The following ATP9A variants were observed in gnomAD, a reference collection of about 807,000 sequenced individuals.
ATP9A encodes the protein ATPase phospholipid transporting 9A, also known as probable phospholipid-transporting ATPase IIA.
In ATP9A, 52 loss-of-function variants were observed where a neutral mutation model predicts 144.1. The ratio of observed to expected loss-of-function variants is 0.36; its 90% CI spans 0.29 to 0.45. The LOEUF (loss-of-function observed/expected upper bound fraction) is 0.45, where lower values mean the gene tolerates loss of function less well. Among genes scored for constraint, ATP9A ranks in the 20% least tolerant of loss-of-function variants. ATP9A has a pLI of 1.00. For synonymous variants in ATP9A, 582 were observed against 557.4 expected, an observed-to-expected ratio of 1.04 and a Z score of -0.62; for missense variants, 947 against 1,392.7, an observed-to-expected ratio of 0.68 and a Z score of 5.09.
chr20:51,728,626 CA>C (rs3030165), intron 2 of ATP9A, among the ~76,000 whole-genome samples: 13 of 129,972 alleles, frequency 1.0e-4, no homozygotes, highest in African/African-American at 1.8e-4. Flanking sequence ...GACTCCATCT[CA>C]AAAAAAAAAA....
intron 9 of ATP9A, among the ~76,000 whole-genome samples, chr20:51,684,171 C>A (rs912939857): frequency 1.3e-5 from 2 of 152,030 alleles, no homozygotes; most frequent in African/African-American, 4.8e-5. Context: ...GGTGACAGAT[C>A]AAGACCCTGT....
At chr20:51,663,781 G>T (rs1167978153) in intron 13 of ATP9A, among the ~76,000 whole-genome samples, 1 of 139,542 alleles carries the variant, frequency 7.2e-6, no homozygotes, top group Non-Finnish European at 1.5e-5. Context: ...GAAACAGAGC[G>T]AGACTCCGTC....
chr20:51,694,679 T>A (rs2077563128), intron 6 of ATP9A, among the ~76,000 whole-genome samples: 1 of 152,144 alleles, frequency 6.6e-6, no homozygotes, highest in Admixed American at 6.5e-5. Context: ...GACTGATCGA[T>A]CCAGGCAAGC....
At position 51,627,618 on chromosome 20, in the gene ATP9A, C is replaced by T. The variant is rs1401049455; in HGVS notation, c.1827G>A (p.Glu609=). 9.9e-6 allele frequency: 16 copies of T among 1,614,156 alleles called. No homozygotes were observed. The highest frequency in any genetic ancestry group is 1.6e-4 in the Middle Eastern group (1 of 6,062). The part of the protein sequence containing the change: ...LVVAKKSLAE[E]QYQDFEARYV... ...AACTTACTTCAAAGTCCTGATACTG[C>T]TCCTCTGCAAGAGACTTCTTTGCCA... The change falls in exon 17 of 28, where the codon GAG becomes GAA. Residue 609 remains glutamate, a synonymous_variant. Transcript: ENST00000338821.
intron 12 of ATP9A, 117 bp downstream of exon 12, chr20:51,670,997 TA>T: frequency 8.8e-7 from 1 of 1,138,246 alleles, no homozygotes; most frequent in Non-Finnish European, 1.3e-6. Context: ...ATGAAGGGAA[TA>T]AAATAGCAGC....
intron 12 of ATP9A, 27 bp downstream of exon 12, chr20:51,671,088 C>T: frequency 6.2e-7 from 1 of 1,607,072 alleles, no homozygotes; most frequent in South Asian, 1.1e-5. Context: ...ACCAGGAATC[C>T]TGCGCAGGTC....
chr20:51,745,414 G>A (rs1042574307), intron 1 of ATP9A, among the ~76,000 whole-genome samples: 10 of 143,808 alleles, frequency 7.0e-5, no homozygotes, highest in Non-Finnish European at 1.4e-4. Flanking sequence ...CAGCCAGAGT[G>A]AGATTCTGTC....
At chr20:51,753,490 A>C (rs913522389) in intron 1 of ATP9A, among the ~76,000 whole-genome samples, 1 of 137,244 alleles carries the variant, frequency 7.3e-6, no homozygotes, top group South Asian at 2.4e-4. Context: ...ACAACAACAA[A>C]CCCACGTTCT....
chr20:51,659,766 T>C (rs1242270822), intron 13 of ATP9A, among the ~76,000 whole-genome samples: 6 of 152,178 alleles, frequency 3.9e-5, no homozygotes, highest in Non-Finnish European at 7.3e-5. Context: ...TTCACTTAAT[T>C]TTTTAATACT....
rs1383722734 is a variant in ATP9A at position 51,611,257 on chromosome 20, G to A, written c.2572-1092C>T. ...GCTTTCTCGGCACAGAGCTCAGAGC[G>A]CAGGTGATCCTGAGCGCCATGGCCA... On this transcript the variant is annotated intron_variant, in intron 23 of 27. Coordinates refer to ENST00000338821, the MANE Select transcript of ATP9A (RefSeq NM_006045.3). This position sits in a 1 kb window ranked among gnomAD's most constrained non-coding sequence, Gnocchi z 4.2. 6.6e-6 allele frequency among the ~76,000 whole-genome samples: 1 copy of A among 152,198 alleles called. No homozygotes were observed. The highest frequency in any genetic ancestry group is 1.5e-5 in the Non-Finnish European group (1 of 68,032).
At chr20:51,641,400 C>T (rs977578851) in intron 14 of ATP9A, among the ~76,000 whole-genome samples, 5 of 151,830 alleles carry the variant, frequency 3.3e-5, no homozygotes, top group Admixed American at 2.6e-4. Context: ...GCATGTGTGT[C>T]GTCTCAGTTA....
At chr20:51,675,309 T>C (rs1415451743) in intron 10 of ATP9A, among the ~76,000 whole-genome samples, 1 of 152,136 alleles carries the variant, frequency 6.6e-6, no homozygotes, top group African/African-American at 2.4e-5. Context: ...AGACACAGCA[T>C]TCCTTCCTGC....
At chr20:51,683,384 C>T (rs1006637548) in intron 9 of ATP9A, among the ~76,000 whole-genome samples, 3 of 152,060 alleles carry the variant, frequency 2.0e-5, no homozygotes, top group Admixed American at 2.0e-4. Flanking sequence ...CCTGCCTCAG[C>T]CTCCTGAGCA....
In ATP9A at chr20:51,619,832, G is replaced by C. The variant is rs2077219189; in HGVS notation, c.2116-789C>G. Among the ~76,000 whole-genome samples the C allele has an allele frequency of 6.6e-5, 9 of 136,816 alleles. No individual in the cohort carries two copies. In the South Asian group the frequency reaches 1.9e-3, roughly 28 times the overall value. The allele number at this position is 136,816 out of a possible 152,430, so 89.8% of individuals were successfully genotyped here. On this transcript the variant is annotated intron_variant, in intron 19 of 27. Transcript: ENST00000338821. ...TGCGGTGAGCCGAGATCATGCCATT[G>C]CACTCCAGCCTGGGCAACAAGAGCA... is the stretch of plus-strand genomic sequence containing the variant.
Position 51,604,917 on chromosome 20 carries a change from C to T in ATP9A, c.2907G>A (p.Val969=). The part of the protein sequence containing the change: ...TSLILTELLM[V]ALTIQTWHWL... ...AGTGCCAGGTCTGGATGGTCAGCGC[C>T]ACCATGAGCAGCTCGGTGAGGATCA... The change falls in exon 27 of 28, where the codon GTG becomes GTA. Residue 969 remains valine, a synonymous_variant. Transcript: ENST00000338821. 1 of 1,612,490 alleles carries T rather than the reference C, an allele frequency of 6.2e-7. No individual in the cohort carries two copies. Among genetic ancestry groups the T allele is most frequent in the Non-Finnish European group, 8.5e-7 (1 of 1,179,232 alleles).
At chr20:51,634,933 T>C (rs927223660) in intron 15 of ATP9A, among the ~76,000 whole-genome samples, 1 of 151,000 alleles carries the variant, frequency 6.6e-6, no homozygotes, top group African/African-American at 2.4e-5. Flanking sequence ...TCAATACAAG[T>C]GCTCAGTGCC....
At position 51,694,115 on chromosome 20, in the gene ATP9A, G is replaced by C; in HGVS notation, c.548-13C>G. On this transcript the variant is annotated splice_polypyrimidine_tract_variant and intron_variant, in intron 6 of 27. Transcript: ENST00000338821. ...AAGAAGCATGACCCTGTGGAAGGAA[G>C]TCGGGTGCCGTCACCTGCACCTCAA... is the stretch of plus-strand genomic sequence containing the variant. The C allele has an allele frequency of 6.2e-7, 1 of 1,610,778 alleles. No individual in the cohort carries two copies. Among genetic ancestry groups the C allele is most frequent in the Admixed American group, 1.7e-5 (1 of 59,960 alleles).
intron 1 of ATP9A, among the ~76,000 whole-genome samples, chr20:51,740,645 G>A (rs897365196): frequency 2.7e-5 from 4 of 148,304 alleles, no homozygotes; most frequent in Non-Finnish European, 4.5e-5. Context: ...ATGGCTCAGC[G>A]CAGCCTCCTT....
rs1195754022 is a variant in ATP9A at position 51,767,723 on chromosome 20, G to T, written c.68+579C>A. On this transcript the variant is annotated intron_variant, in intron 1 of 27. Coordinates refer to ENST00000338821, the MANE Select transcript of ATP9A (RefSeq NM_006045.3). ...GTAGGAGACCCTCCCACCCTCCTGC[G>T]ACTGCTGGTTCGGGTCCACCCCGGG... 2.6e-5 allele frequency among the ~76,000 whole-genome samples: 4 copies of T among 152,096 alleles called. No homozygotes were observed. In the East Asian group the frequency reaches 7.8e-4, roughly 29 times the overall value.
Sources: gnomAD v4.1 joint callset for allele counts (sites outside exome capture counted in the v4.1 genomes callset) on GRCh38, gnomAD v4.1.1 for gene constraint, Gnocchi (gnomAD v3.1) non-coding constraint, MANE v1.5 for transcripts, NCBI Gene and HGNC (gene_info 2026-07-23, HGNC 2026-07-21) for gene names.